RNF32: variants seen among roughly 807,000 people sequenced by gnomAD.
The protein encoded by RNF32 is ring finger protein 32.
In RNF32, 36 loss-of-function variants were observed where a neutral mutation model predicts 41.0. The ratio of observed to expected loss-of-function variants is 0.88; its 90% confidence interval spans 0.67 to 1.16. RNF32 has a LOEUF of 1.16. Among genes scored for constraint, RNF32 ranks in the 50% most tolerant of loss-of-function variants. RNF32 has a pLI of 0.00. For synonymous variants in RNF32, 154 were observed against 160.9 expected, an observed-to-expected ratio of 0.96 and a Z score of 0.32; for missense variants, 413 against 436.7, an observed-to-expected ratio of 0.95 and a Z score of 0.48.
At chr7:156,650,023 A>G (rs1798502181) in intron 3 of RNF32, among the ~76,000 whole-genome samples, 1 of 98,822 alleles carries the variant, frequency 1.0e-5, no homozygotes, top group African/African-American at 8.2e-5. Context: ...TCTGGGCCTG[A>G]GGCTTTTTTT....
At chr7:156,667,178 T>C (rs1410864378) in intron 7 of RNF32, among the ~76,000 whole-genome samples, 4 of 152,230 alleles carry the variant, frequency 2.6e-5, no homozygotes. Flanking sequence ...TAAAAGCTTA[T>C]CAACTGATTC....
At chr7:156,667,975 GT>G (rs1289578466) in intron 7 of RNF32, among the ~76,000 whole-genome samples, 1 of 152,144 alleles carries the variant, frequency 6.6e-6, no homozygotes, top group Non-Finnish European at 1.5e-5. Context: ...GGTAGGCAGT[GT>G]TTTTTCTTAG....
chr7:156,653,151 G>C (rs1036226689), intron 3 of RNF32, among the ~76,000 whole-genome samples: 2 of 152,060 alleles, frequency 1.3e-5, no homozygotes, highest in African/African-American at 4.8e-5. Flanking sequence ...TTCATGGTGA[G>C]TGCCCTACAC....
chr7:156,643,442 G>A (rs747623694), intron 1 of RNF32, among the ~76,000 whole-genome samples: 7 of 152,124 alleles, frequency 4.6e-5, no homozygotes, highest in Non-Finnish European at 1.0e-4. Context: ...TTCCCTCTGT[G>A]TATCTTTCAA....
intron 3 of RNF32, among the ~76,000 whole-genome samples, chr7:156,648,651 A>G (rs1438643466): frequency 6.6e-6 from 1 of 152,222 alleles, no homozygotes; most frequent in Non-Finnish European, 1.5e-5. Context: ...ACATTGAACC[A>G]TATGCTCTTT....
At chr7:156,640,574 C>T (rs1202978860), upstream of RNF32, 2 of 401,438 alleles carry the variant, frequency 5.0e-6, no homozygotes, top group East Asian at 9.7e-5. Flanking sequence ...GGGCGGGGGC[C>T]GGCGAGCATG....
At chr7:156,662,395 T>C (rs552179194) in intron 7 of RNF32, among the ~76,000 whole-genome samples, 1 of 152,280 alleles carries the variant, frequency 6.6e-6, no homozygotes, top group Admixed American at 6.5e-5. Context: ...ATTACCCAGG[T>C]GTGATGGTTA....
chr7:156,671,594 C>T (rs538821212), intron 7 of RNF32, among the ~76,000 whole-genome samples: 5 of 151,306 alleles, frequency 3.3e-5, no homozygotes, highest in African/African-American at 9.6e-5. Context: ...ATAAGTTCAG[C>T]TTCTAGATTC....
chr7:156,650,861 C>T (rs1313182172), intron 3 of RNF32, among the ~76,000 whole-genome samples: 1 of 152,218 alleles, frequency 6.6e-6, no homozygotes, highest in Non-Finnish European at 1.5e-5. Flanking sequence ...AGGCCAGGTG[C>T]TCTCTCACTA....
chr7:156,655,572 G>A (rs370731681), intron 4 of RNF32, among the ~76,000 whole-genome samples: 1 of 152,176 alleles, frequency 6.6e-6, no homozygotes, highest in East Asian at 1.9e-4. Flanking sequence ...TTACAATCTG[G>A]GCAAATGAAC....
chr7:156,671,257 C>T (rs935418596), intron 7 of RNF32, among the ~76,000 whole-genome samples: 32 of 152,152 alleles, frequency 2.1e-4, no homozygotes, highest in African/African-American at 7.0e-4. Flanking sequence ...CAACACAAAG[C>T]GGACTGAGTG....
At chr7:156,676,256 T>A (rs1563105936) in intron 8 of RNF32, 163 bp from the exon 9 acceptor site, 1 of 1,535,176 alleles carries the variant, frequency 6.5e-7, no homozygotes, top group South Asian at 1.2e-5. Context: ...TATATATATA[T>A]GTATATATAT....
intron 7 of RNF32, among the ~76,000 whole-genome samples, chr7:156,662,879 G>A (rs1221858289): frequency 1.5e-4 from 20 of 134,878 alleles, no homozygotes; most frequent in Non-Finnish European, 2.2e-4. Context: ...GCACAGTCTC[G>A]CTCTGTCACC....
chr7:156,665,870 T>C (rs1801273277), intron 7 of RNF32, among the ~76,000 whole-genome samples: 1 of 152,252 alleles, frequency 6.6e-6, no homozygotes, highest in South Asian at 2.1e-4. Flanking sequence ...AGAATCATTG[T>C]GTAAAAGAAA....
intron 7 of RNF32, among the ~76,000 whole-genome samples, chr7:156,666,656 G>A (rs77835665): frequency 2.3e-3 from 345 of 152,296 alleles, no homozygotes; most frequent in African/African-American, 7.8e-3. Context: ...TGATACAGTA[G>A]TCCTCGAACA....
At chr7:156,641,229 A>G (rs1320819908) in intron 1 of RNF32, among the ~76,000 whole-genome samples, 1 of 152,208 alleles carries the variant, frequency 6.6e-6, no homozygotes, top group South Asian at 2.1e-4. Context: ...TTCAGAAGGC[A>G]GGAGATAACA....
At chr7:156,642,207 G>A (rs184905459) in intron 1 of RNF32, among the ~76,000 whole-genome samples, 1 of 152,308 alleles carries the variant, frequency 6.6e-6, no homozygotes, top group Admixed American at 6.5e-5. Context: ...AGTGTACAAG[G>A]AAACCAGTTT....
chr7:156,661,175 T>C (rs1341436438), intron 7 of RNF32, among the ~76,000 whole-genome samples: 1 of 150,592 alleles, frequency 6.6e-6, no homozygotes. Context: ...AAAGGAATAC[T>C]GGTCACTTCA....
rs1031073767 is a variant in RNF32 at position 156,676,552 on chromosome 7, C to A, written c.986C>A (p.Ala329Glu). ...LLSCSHVFHH[A>E]CLLALEEFSV... The stretch of plus-strand genomic sequence containing the variant: ...TCCTGCTCACATGTGTTCCACCATG[C>A]GTGTCTGCTGGCACTAGAGGAGTTC... Residue 329 changes from alanine (A) to glutamate (E), a missense_variant, in exon 9 of 9, where the codon GCG (alanine) becomes GAG (glutamate). By Grantham distance (107) the Ala-to-Glu change is moderately radical. Coordinates refer to ENST00000317955, the MANE Select transcript of RNF32 (RefSeq NM_030936.4). 6.2e-7 allele frequency: 1 copy of A among 1,614,142 alleles called. No individual in the cohort carries two copies. Among genetic ancestry groups the A allele is most frequent in the Admixed American group, 1.7e-5 (1 of 60,030 alleles).
Sources: allele counts gnomAD v4.1 joint callset (sites outside exome capture counted in the v4.1 genomes callset), GRCh38; gene constraint gnomAD v4.1.1; transcripts MANE v1.5; gene names NCBI Gene and HGNC (gene_info 2026-07-23, HGNC 2026-07-21).